WDFY4: variants seen among roughly 807,000 people sequenced by gnomAD.
WDFY4 encodes WDFY family member 4.
In WDFY4, 169 loss-of-function variants were observed where a neutral mutation model predicts 351.9. The observed-to-expected ratio is 0.48, with a 90% CI of 0.42 to 0.55. The LOEUF (loss-of-function observed/expected upper bound fraction) is 0.55. Ranked by LOEUF, WDFY4 falls within the 20% of genes least tolerant of loss-of-function variation. WDFY4 has a pLI of 0.00. For synonymous variants in WDFY4, 1,622 were observed against 1,574.6 expected (o/e 1.03, Z -0.71); for missense variants, 3,803 against 3,935.6 (o/e 0.97, Z 0.90).
At chr10:48,975,196 G>T in intron 58 of WDFY4, 155 bp downstream of exon 58, 1 of 962,438 alleles carries the variant, frequency 1.0e-6, no homozygotes, top group Non-Finnish European at 1.6e-6. Context: ...GATCTCACTT[G>T]TAGCACCCAG....
In WDFY4 at chr10:48,963,965, G is replaced by A. The variant is rs541581277; in HGVS notation, c.8347G>A (p.Asp2783Asn). The A allele has an allele frequency of 1.9e-6, 3 of 1,551,036 alleles. No homozygotes were observed. The highest frequency in any genetic ancestry group is 3.9e-5 in the Admixed American group (2 of 50,996). Residue 2783 changes from aspartate (D) to asparagine (N), a missense_variant, in exon 54 of 62, where the codon GAC (aspartate) becomes AAC (asparagine). Transcript: ENST00000325239. ...TATCTTCCACCCCTACTTCTACGGTGACAGAATGGACCTCAGCAGCATCAC... is the reference window on the plus strand; with the variant it reads ...TATCTTCCACCCCTACTTCTACGGTAACAGAATGGACCTCAGCAGCATCAC... Reference protein sequence around the residue: ...VNIFHPYFYGDRMDLSSITDP... With the variant: ...VNIFHPYFYGNRMDLSSITDP...
chr10:48,725,024 G>A (rs1711726827), intron 5 of WDFY4, among the ~76,000 whole-genome samples: 1 of 152,182 alleles, frequency 6.6e-6, no homozygotes, highest in South Asian at 2.1e-4. Flanking sequence ...AGGGTCTGAG[G>A]AGGTAGTGTG....
chr10:48,979,602 G>A (rs1263222536), intron 60 of WDFY4: 1 of 151,908 alleles, frequency 6.6e-6, no homozygotes, highest in African/African-American at 2.4e-5. Context: ...TGGATGGATG[G>A]ATGGATGGAT....
At chr10:48,808,842 C>T (rs188381218) in intron 28 of WDFY4, among the ~76,000 whole-genome samples, 26 of 152,304 alleles carry the variant, frequency 1.7e-4, no homozygotes, top group African/African-American at 5.3e-4. Flanking sequence ...CTTCCGGGTT[C>T]GAATCCTAGC....
At chr10:48,785,259 T>C (rs2132688791) in intron 19 of WDFY4, among the ~76,000 whole-genome samples, 1 of 152,262 alleles carries the variant, frequency 6.6e-6, no homozygotes, top group South Asian at 2.1e-4. Context: ...CACTAGTCCT[T>C]TGTTAGATAT....
At chr10:48,792,962 T>C (rs938666788) in intron 23 of WDFY4, among the ~76,000 whole-genome samples, 1 of 152,200 alleles carries the variant, frequency 6.6e-6, no homozygotes, top group Non-Finnish European at 1.5e-5. Context: ...CAGAGGTACA[T>C]AGCGCCTGCT....
chr10:48,900,385 G>A, intron 46 of WDFY4, 79 bp downstream of exon 46: 2 of 1,362,920 alleles, frequency 1.5e-6, no homozygotes, highest in Non-Finnish European at 2.0e-6. Flanking sequence ...TCAGCTCTGT[G>A]CTCAGGAAAA....
At chr10:48,950,027 A>G (rs891495495) in intron 51 of WDFY4, among the ~76,000 whole-genome samples, 3 of 152,110 alleles carry the variant, frequency 2.0e-5, no homozygotes, top group Admixed American at 6.5e-5. Flanking sequence ...TTTTATACTT[A>G]TTTGTTGTGG....
At chr10:48,859,908 C>G (rs758394165) in intron 39 of WDFY4, among the ~76,000 whole-genome samples, 13 of 152,112 alleles carry the variant, frequency 8.5e-5, no homozygotes, top group Non-Finnish European at 1.8e-4. Context: ...AATGATCTAT[C>G]GTATTGGATG....
chr10:48,790,055 TG>T, intron 22 of WDFY4, 70 bp downstream of exon 22: 2 of 1,426,486 alleles, frequency 1.4e-6, no homozygotes, highest in Non-Finnish European at 1.9e-6. Context: ...TTGTGCACCC[TG>T]GAGTTCTGGA....
At chr10:48,848,268 C>T (rs1249745724) in intron 39 of WDFY4, among the ~76,000 whole-genome samples, 2 of 152,210 alleles carry the variant, frequency 1.3e-5, no homozygotes, top group Non-Finnish European at 2.9e-5. Context: ...ACAGGGACAG[C>T]ATTTCATCTC....
chr10:48,791,568 C>T (rs1030323992), intron 23 of WDFY4, among the ~76,000 whole-genome samples: 2 of 152,216 alleles, frequency 1.3e-5, no homozygotes, highest in East Asian at 3.9e-4. Context: ...CACACGGGAC[C>T]TGCTTCGCAT....
chr10:48,926,465 C>T (rs141755643), intron 47 of WDFY4, among the ~76,000 whole-genome samples: 6 of 152,304 alleles, frequency 3.9e-5, no homozygotes, highest in African/African-American at 1.2e-4. Flanking sequence ...AGCCAGCCAA[C>T]GCAACAGATT....
chr10:48,954,139 A>G (rs2133811761), intron 51 of WDFY4, among the ~76,000 whole-genome samples: 1 of 152,292 alleles, frequency 6.6e-6, no homozygotes, highest in African/African-American at 2.4e-5. Context: ...GAGAAGAGGT[A>G]CCTAGGATTA....
rs905267906 is a variant in WDFY4, at chr10:48,840,457, GCACA to G, written c.6663+7760_6663+7763del. Among the ~76,000 whole-genome samples, 36 of 142,782 alleles carry G rather than the reference GCACA, an allele frequency of 2.5e-4. No individual in the cohort carries two copies. In the South Asian group the frequency reaches 6.9e-3, roughly 27 times the overall value. The allele number at this position is 142,782 out of a possible 152,430, so 93.7% of individuals were successfully genotyped here. Reference sequence around the variant, plus strand: ...ACACACACACACACACCTCTCTCACGCACACACACACACACCCCCACTCTCTTTC... The same window carrying G: ...ACACACACACACACACCTCTCTCACGCACACACACACCCCCACTCTCTTTC... On this transcript the variant is annotated intron_variant, in intron 39 of 61. Coordinates refer to ENST00000325239, the MANE Select transcript of WDFY4 (RefSeq NM_001394531.1).
At chr10:48,929,437 G>C (rs934985113) in intron 47 of WDFY4, among the ~76,000 whole-genome samples, 1 of 152,164 alleles carries the variant, frequency 6.6e-6, no homozygotes, top group Non-Finnish European at 1.5e-5. Flanking sequence ...GTGGGCATCA[G>C]GGGGCAGTGG....
At chr10:48,910,998 A>G in intron 47 of WDFY4, 1 of 718,294 alleles carries the variant, frequency 1.4e-6, no homozygotes, top group Non-Finnish European at 1.7e-6. Context: ...GAGAAATTGA[A>G]ATGGAAAGTC....
chr10:48,965,310 T>C (rs1205010724), intron 54 of WDFY4, among the ~76,000 whole-genome samples: 3 of 152,228 alleles, frequency 2.0e-5, no homozygotes, highest in Non-Finnish European at 4.4e-5. Context: ...ATTTCTAAAG[T>C]AGCCATCAGA....
intron 50 of WDFY4, 120 bp from the exon 51 acceptor site, chr10:48,946,740 T>C: frequency 1.3e-6 from 1 of 750,538 alleles, no homozygotes; most frequent in Non-Finnish European, 2.2e-6. Context: ...GTCTGTTCAC[T>C]TCCTAAACGT....
Sources: allele counts gnomAD v4.1 joint callset (sites outside exome capture counted in the v4.1 genomes callset), GRCh38; gene constraint gnomAD v4.1.1; transcripts MANE v1.5; gene names NCBI Gene and HGNC (gene_info 2026-07-23, HGNC 2026-07-21).